The following RASSF8 variants were observed in gnomAD, a reference collection of about 807,000 sequenced individuals.
RASSF8 encodes the protein Ras association domain family member 8.
In RASSF8, 22 loss-of-function variants were observed where a neutral mutation model predicts 48.5. The observed-to-expected ratio is 0.45, with a 90% CI of 0.32 to 0.65. The LOEUF is 0.65. RASSF8 is among the 30% of genes least tolerant of loss of function. The probability of loss-of-function intolerance (pLI) is 0.03; values close to 1 mark genes in which losing one functional copy is unlikely to be tolerated. For missense variants in RASSF8, 418 were observed against 489.2 expected, an observed-to-expected ratio of 0.85 and a Z score of 1.37; for synonymous variants, 127 against 171.5, an observed-to-expected ratio of 0.74 and a Z score of 2.03.
At chr12:26,039,850 G>T (rs536447479) in intron 2 of RASSF8, among the ~76,000 whole-genome samples, 4 of 152,268 alleles carry the variant, frequency 2.6e-5, no homozygotes, top group East Asian at 1.9e-4. Context: ...ATGGCTTAAT[G>T]TAAAGAAATT....
At chr12:26,011,131 C>T (rs145297029) in intron 2 of RASSF8, among the ~76,000 whole-genome samples, 76 of 152,300 alleles carry the variant, frequency 5.0e-4, no homozygotes, top group Admixed American at 9.1e-4. Context: ...CTTACAGGAA[C>T]GTCTACAGCA....
intron 1 of RASSF8, among the ~76,000 whole-genome samples, chr12:25,984,832 G>T (rs1247895732): frequency 6.6e-6 from 1 of 152,062 alleles, no homozygotes; most frequent in Non-Finnish European, 1.5e-5. Context: ...GTACTCTTTT[G>T]CCTGTTCAAC....
At chr12:25,986,846 T>C (rs538209996) in intron 1 of RASSF8, among the ~76,000 whole-genome samples, 2 of 152,370 alleles carry the variant, frequency 1.3e-5, no homozygotes, top group African/African-American at 2.4e-5. Flanking sequence ...TCCCCTCTTA[T>C]GGATTCGTAC....
chr12:26,064,299 C>A (rs1414267265), intron 3 of RASSF8, among the ~76,000 whole-genome samples, 199 bp from the exon 4 acceptor site: 2 of 152,168 alleles, frequency 1.3e-5, no homozygotes, highest in Admixed American at 6.5e-5. Context: ...GTGCAATACA[C>A]ATCTTCTGAT....
intron 3 of RASSF8, among the ~76,000 whole-genome samples, chr12:26,059,996 C>G (rs1389694605): frequency 6.6e-6 from 1 of 152,174 alleles, no homozygotes; most frequent in Admixed American, 6.5e-5. Context: ...CTCCCAGGTT[C>G]ACACCATTCT....
downstream of RASSF8, among the ~76,000 whole-genome samples, chr12:26,074,810 T>C (rs1944057869): frequency 6.6e-6 from 1 of 152,044 alleles, no homozygotes; most frequent in Admixed American, 6.6e-5. Context: ...GGCTGTCTGG[T>C]GGAGCTGTAG....
chr12:25,969,735 G>A (rs1423341928), intron 1 of RASSF8, among the ~76,000 whole-genome samples: 1 of 152,084 alleles, frequency 6.6e-6, no homozygotes, highest in Admixed American at 6.5e-5. Flanking sequence ...TTGAACAGGG[G>A]TTCTCCAGTG....
At chr12:25,994,420 G>A (rs886661426) in intron 1 of RASSF8, among the ~76,000 whole-genome samples, 1 of 152,184 alleles carries the variant, frequency 6.6e-6, no homozygotes, top group Non-Finnish European at 1.5e-5. Flanking sequence ...TTGCGGCCAA[G>A]ATTTCTTCCT....
intron 2 of RASSF8, among the ~76,000 whole-genome samples, chr12:26,007,132 C>G (rs1403162541): frequency 6.6e-6 from 1 of 152,010 alleles, no homozygotes; most frequent in Non-Finnish European, 1.5e-5. Flanking sequence ...TTTTCAGCAA[C>G]CAGCTCTGGC....
In RASSF8 at chr12:26,055,431, T is replaced by C. The variant is rs761451618; in HGVS notation, c.88T>C (p.Leu30=). 1 of 1,613,820 alleles carries C rather than the reference T, an allele frequency of 6.2e-7. No individual in the cohort carries two copies. The highest frequency in any genetic ancestry group is 1.7e-5 in the Admixed American group (1 of 60,014). The change falls in exon 3 of 6, where the codon TTA becomes CTA. Residue 30 remains leucine, a synonymous_variant. Coordinates refer to ENST00000689635, the MANE Select transcript of RASSF8 (RefSeq NM_001394098.1). ...VTTCQEVVIA[L]AQAIGRTGRY... ...AACTTGCCAGGAGGTTGTCATAGCC[T>C]TAGCTCAAGCAATAGGTGAGTGAAC... is the stretch of plus-strand genomic sequence containing the variant.
At position 26,022,634 on chromosome 12, in the gene RASSF8, A is replaced by C. The variant is rs1444699342; in HGVS notation, c.-109+27504A>C. On this transcript the variant is annotated intron_variant, in intron 2 of 5. Coordinates refer to ENST00000689635, the MANE Select transcript of RASSF8 (RefSeq NM_001394098.1). ...CATCAAATTGAGAATATTGGTAAAT[A>C]GATAGAAATTATAAAAAAATTATAA... Among the ~76,000 whole-genome samples, 3 of 152,194 alleles carry C rather than the reference A, an allele frequency of 2.0e-5. No homozygotes were observed. The East Asian group carries it at 5.8e-4, about 29-fold the overall frequency.
chr12:26,040,859 TG>T (rs1943248805), intron 2 of RASSF8, among the ~76,000 whole-genome samples: 1 of 152,008 alleles, frequency 6.6e-6, no homozygotes, highest in Non-Finnish European at 1.5e-5. Flanking sequence ...TCTTATTTTT[TG>T]TTAGTATTCT....
At chr12:26,033,907 A>T (rs951802664) in intron 2 of RASSF8, among the ~76,000 whole-genome samples, 5 of 152,002 alleles carry the variant, frequency 3.3e-5, no homozygotes, top group African/African-American at 4.8e-5. Flanking sequence ...TAAAATGGGG[A>T]TGAGAATAAA....
At chr12:26,031,386 G>A (rs530715827) in intron 2 of RASSF8, among the ~76,000 whole-genome samples, 38 of 152,110 alleles carry the variant, frequency 2.5e-4, no homozygotes, top group South Asian at 1.7e-3. Context: ...ATCGTTACAC[G>A]TGAGACCCAT....
At chr12:26,055,205 T>G in intron 2 of RASSF8, 31 bp from the exon 3 acceptor site, 1 of 663,096 alleles carries the variant, frequency 1.5e-6, no homozygotes, top group Non-Finnish European at 2.8e-6. Context: ...TTGATTCATT[T>G]TATTACAAGT....
chr12:26,068,828 T>C lies in RASSF8; in HGVS notation c.*10T>C. The C allele has an allele frequency of 6.5e-7, 1 of 1,536,608 alleles. No individual in the cohort carries two copies. The highest frequency in any genetic ancestry group is 8.7e-7 in the Non-Finnish European group (1 of 1,146,544). On this transcript the variant is annotated 3_prime_UTR_variant, in exon 6 of 6. Transcript: ENST00000689635. ...AGGCATATATGTATGACATTATCTG[T>C]CTTTAGGGAGGAGACCCAACAGAGG...
downstream of RASSF8, among the ~76,000 whole-genome samples, chr12:26,077,585 T>G (rs930989094): frequency 3.9e-5 from 6 of 152,142 alleles, no homozygotes; most frequent in South Asian, 1.2e-3. Context: ...ATGTGTGGTG[T>G]TATTTCTGAG....
intron 1 of RASSF8, among the ~76,000 whole-genome samples, chr12:25,984,760 T>C (rs1941832680): frequency 1.3e-5 from 2 of 152,248 alleles, no homozygotes; most frequent in South Asian, 4.1e-4. Flanking sequence ...AGGTAACTTT[T>C]TCTTCTTAAA....
chr12:25,994,361 AG>A (rs1942084111), intron 1 of RASSF8, among the ~76,000 whole-genome samples: 1 of 152,178 alleles, frequency 6.6e-6, no homozygotes, highest in East Asian at 1.9e-4. Flanking sequence ...ACATCTGTGA[AG>A]GGCATAGTCT....
Sources: allele counts gnomAD v4.1 joint callset (sites outside exome capture counted in the v4.1 genomes callset), GRCh38; gene constraint gnomAD v4.1.1; transcripts MANE v1.5; gene names NCBI Gene and HGNC (gene_info 2026-07-23, HGNC 2026-07-21).